RPS8: variants seen among roughly 807,000 people sequenced by gnomAD.
RPS8 encodes the protein small ribosomal subunit protein eS8.
For missense variants in RPS8, 141 were observed against 269.7 expected, an observed-to-expected ratio of 0.52 and a Z score of 3.34; for synonymous variants, 100 against 100.7, an observed-to-expected ratio of 0.99 and a Z score of 0.04.
intron 2 of RPS8, 98 bp downstream of exon 2, chr1:44,776,238 G>C (rs1004247964): frequency 2.3e-6 from 2 of 870,030 alleles, no homozygotes; most frequent in Admixed American, 2.9e-5. Flanking sequence ...GTTCTTTCTT[G>C]GGCTCTGATT....
chr1:44,776,739 G>A lies in RPS8; in HGVS notation c.176G>A (p.Arg59Lys). ...RGGNKKYRAL[R>K]LDVGNFSWGS... is the part of the protein sequence containing the mutation. ...GGTAACAAGAAATACCGTGCCCTGA[G>A]GTTGGACGTGGGGAATTTCTCCTGG... is the stretch of plus-strand genomic sequence containing the variant. The change falls in exon 3 of 6, where the codon AGG (arginine) becomes AAG (lysine). Residue 59 changes from arginine to lysine, a missense_variant. By Grantham distance (26) the Arg-to-Lys change is conservative. Transcript: ENST00000396651. 6.2e-7 allele frequency: 1 copy of A among 1,611,942 alleles called. No homozygotes were observed. Among genetic ancestry groups the A allele is most frequent in the Non-Finnish European group, 8.5e-7 (1 of 1,179,388 alleles).
In RPS8 at chr1:44,775,785, C is replaced by T. The variant is rs1186827351; in HGVS notation, c.4+185C>T. On this transcript the variant is annotated intron_variant, in intron 1 of 5. Coordinates refer to ENST00000396651, the MANE Select transcript of RPS8 (RefSeq NM_001012.2). ...TGGGGGCTGCGAAGGCTCTGGGCTC[C>T]GGGTTCCGGGCCGCGGGCTGCGGGC... The T allele has an allele frequency of 1.0e-5, 9 of 864,882 alleles. 1 individual carries two copies. Among genetic ancestry groups the T allele is most frequent in the South Asian group, 2.8e-5 (2 of 70,930 alleles). The allele number at this position is 864,882 out of a possible 1,614,324, so 53.6% of individuals were successfully genotyped here.
intron 3 of RPS8, chr1:44,777,347 G>A (rs1174220979): frequency 1.4e-5 from 6 of 414,386 alleles, no homozygotes; most frequent in East Asian, 9.4e-5. Context: ...CTGGGGTTAC[G>A]GGCGTGAGTC....
chr1:44,775,996 A>G (rs752982230), intron 1 of RPS8, 38 bp from the exon 2 acceptor site: 1 of 1,591,140 alleles, frequency 6.3e-7, no homozygotes, highest in Non-Finnish European at 8.6e-7. Context: ...GCACCGAGTC[A>G]CAGTGGCTCA....
At chr1:44,777,147 C>G (rs1381441223) in intron 3 of RPS8, 2 of 215,808 alleles carry the variant, frequency 9.3e-6, no homozygotes, top group Admixed American at 1.1e-4. Flanking sequence ...TCTTGGTTCA[C>G]TGCAGCCTCC....
At chr1:44,776,636 T>G in intron 2 of RPS8, 39 bp from the exon 3 acceptor site, 1 of 1,578,928 alleles carries the variant, frequency 6.3e-7, no homozygotes. Flanking sequence ...TGCCTTGCTC[T>G]CCTTGGTAAC....
intron 2 of RPS8, 133 bp from the exon 3 acceptor site, chr1:44,776,542 C>T: frequency 2.4e-6 from 2 of 816,762 alleles, no homozygotes; most frequent in Non-Finnish European, 2.2e-6. Flanking sequence ...GTCTTGGTCA[C>T]CTGTGTGCCA....
chr1:44,777,559 T>C, intron 3 of RPS8, 55 bp from the exon 4 acceptor site: 13 of 1,429,858 alleles, frequency 9.1e-6, no homozygotes, highest in Non-Finnish European at 1.1e-5. Context: ...TGGAGGAGTG[T>C]GCCAGGGCCA....
At chr1:44,777,284 T>C (rs1473550956) in intron 3 of RPS8, 2 of 261,000 alleles carry the variant, frequency 7.7e-6, no homozygotes, top group East Asian at 9.2e-5. Context: ...TTGGCCAGGC[T>C]GGTCTCAAAT....
At position 44,776,685 on chromosome 1, in the gene RPS8, G is replaced by A. The variant is rs1650867471; in HGVS notation, c.122G>A (p.Arg41His). ...RPAANTKIGP[R>H]RIHTVRVRGG... ...CCTTGTGTTTTCCAGATTGGCCCCCGCCGCATCCACACAGTCCGTGTGCGG... is the reference window on the plus strand; with the variant it reads ...CCTTGTGTTTTCCAGATTGGCCCCCACCGCATCCACACAGTCCGTGTGCGG... The change falls in exon 3 of 6, where the codon CGC (arginine) becomes CAC (histidine). Residue 41 changes from arginine (R) to histidine (H), a missense_variant. Physicochemically the swap from Arg to His is conservative, Grantham distance 29. Coordinates refer to ENST00000396651, the MANE Select transcript of RPS8 (RefSeq NM_001012.2). The A allele has an allele frequency of 6.2e-6, 10 of 1,613,818 alleles. No individual in the cohort carries two copies. The highest frequency in any genetic ancestry group is 7.6e-6 in the Non-Finnish European group (9 of 1,179,872).
At chr1:44,776,837 G>T in intron 3 of RPS8, 63 bp downstream of exon 3, 2 of 1,316,184 alleles carry the variant, frequency 1.5e-6, no homozygotes, top group East Asian at 2.4e-5. Context: ...GATTCACCAA[G>T]TGGGCCTGGC....
At chr1:44,778,180 C>A (rs767785781) in intron 5 of RPS8, 51 bp downstream of exon 5, 1 of 1,586,740 alleles carries the variant, frequency 6.3e-7, no homozygotes, top group Admixed American at 1.9e-5. Context: ...TTGAGTGTGC[C>A]GAGGCACTTT....
In RPS8 at chr1:44,775,591, C is replaced by G. The variant is rs1352854024; in HGVS notation, c.-6C>G. 3.1e-6 allele frequency: 5 copies of G among 1,613,976 alleles called. No individual in the cohort carries two copies. The highest frequency in any genetic ancestry group is 2.7e-5 in the African/African-American group (2 of 74,904). ...TGCGGTTTCTCTTTCCAGCCAGCGC[C>G]GAGCGATGGGTGAGTGTCGCTCTGC... On this transcript the variant is annotated 5_prime_UTR_variant, in exon 1 of 6. Transcript: ENST00000396651.
rs756916488 is a variant in RPS8, at chr1:44,776,637, C to T, written c.112-38C>T. 9 of 1,581,458 alleles carry T rather than the reference C, an allele frequency of 5.7e-6. No individual in the cohort carries two copies. The East Asian group carries it at 2.0e-4, about 35-fold the overall frequency. ...TCCTCTCCCTCACTTGCCTTGCTCT[C>T]CTTGGTAACCTAGTTCCTGTAACCT... On this transcript the variant is annotated intron_variant, in intron 2 of 5. Coordinates refer to ENST00000396651, the MANE Select transcript of RPS8 (RefSeq NM_001012.2).
chr1:44,777,976 C>A, intron 4 of RPS8, 24 bp from the exon 5 acceptor site: 1 of 1,613,210 alleles, frequency 6.2e-7, no homozygotes, highest in South Asian at 1.1e-5. Context: ...TCCCTGAGCT[C>A]ATATATTTGT....
chr1:44,775,637 G>A (rs369889220), intron 1 of RPS8, 37 bp downstream of exon 1: 25 of 1,613,702 alleles, frequency 1.5e-5, no homozygotes, highest in Non-Finnish European at 1.9e-5. Context: ...GTGAAGGGAG[G>A]TTGAGCTCAA....
rs1193351721 is a variant in RPS8 at position 44,776,714 on chromosome 1, G to A, written c.151G>A (p.Gly51Ser). ...CATCCACACAGTCCGTGTGCGGGGAGGTAACAAGAAATACCGTGCCCTGAG... is the reference window on the plus strand; with the variant it reads ...CATCCACACAGTCCGTGTGCGGGGAAGTAACAAGAAATACCGTGCCCTGAG... ...RRIHTVRVRGGNKKYRALRLD... is the reference protein window; with the variant it reads ...RRIHTVRVRGSNKKYRALRLD... Residue 51 changes from glycine to serine, a missense_variant, in exon 3 of 6, where the codon GGT (glycine) becomes AGT (serine). Gly to Ser is a moderately conservative substitution (Grantham distance 56). Transcript: ENST00000396651. The A allele has an allele frequency of 6.2e-7, 1 of 1,613,820 alleles. No individual in the cohort carries two copies. The highest frequency in any genetic ancestry group is 8.5e-7 in the Non-Finnish European group (1 of 1,179,920).
At chr1:44,777,832 G>C in intron 4 of RPS8, 43 bp downstream of exon 4, 1 of 1,601,976 alleles carries the variant, frequency 6.2e-7, no homozygotes, top group Non-Finnish European at 8.6e-7. Context: ...AGGGCAGCCT[G>C]ACTCCAGCCT....
Position 44,775,553 on chromosome 1 carries a change from A to T in RPS8, c.-44A>T, listed in dbSNP as rs1388407686. The T allele has an allele frequency of 2.0e-5, 32 of 1,613,812 alleles. No homozygotes were observed. Among genetic ancestry groups the T allele is most frequent in the Non-Finnish European group, 2.6e-5 (31 of 1,179,822 alleles). ...GGGCGGGGCAGCGTTTTACAAACCGAACCGTGAATCTTTGCGGTTTCTCTT... is the reference window on the plus strand; with the variant it reads ...GGGCGGGGCAGCGTTTTACAAACCGTACCGTGAATCTTTGCGGTTTCTCTT... On this transcript the variant is annotated 5_prime_UTR_variant, in exon 1 of 6. Transcript: ENST00000396651.
Sources: allele counts gnomAD v4.1 joint callset, GRCh38; gene constraint gnomAD v4.1.1; transcripts MANE v1.5; gene names NCBI Gene and HGNC (gene_info 2026-07-23, HGNC 2026-07-21).